Variants in LHFPL6 observed in about 807,000 individuals in gnomAD.
LHFPL6 encodes the protein LHFPL tetraspan subfamily member 6 protein.
A neutral mutation model predicts 20.6 loss-of-function variants in LHFPL6; 9 were observed. The ratio of observed to expected loss-of-function variants is 0.44; its 90% CI spans 0.26 to 0.76. The LOEUF (loss-of-function observed/expected upper bound fraction) is 0.76. LHFPL6 is among the 30% of genes least tolerant of loss of function. LHFPL6 has a pLI of 0.20. For synonymous variants in LHFPL6, 105 were observed against 98.7 expected (o/e 1.06, Z -0.38); for missense variants, 218 against 253.5 (o/e 0.86, Z 0.95).
intron 2 of LHFPL6, among the ~76,000 whole-genome samples, chr13:39,560,923 G>A (rs1871458661): frequency 6.6e-6 from 1 of 152,052 alleles, no homozygotes; most frequent in Non-Finnish European, 1.5e-5. Context: ...CTGCTGACTG[G>A]AGTCTTAGGT....
At chr13:39,416,528 CT>C (rs1304011788) in intron 2 of LHFPL6, among the ~76,000 whole-genome samples, 3 of 152,194 alleles carry the variant, frequency 2.0e-5, no homozygotes, top group African/African-American at 7.2e-5. Context: ...TTCCCTTCCC[CT>C]ACCTTGAGCT....
intron 2 of LHFPL6, among the ~76,000 whole-genome samples, chr13:39,470,882 T>C (rs1033456158): frequency 7.9e-5 from 12 of 152,218 alleles, no homozygotes; most frequent in African/African-American, 2.9e-4. Context: ...CGGCCCATCA[T>C]CACCGTGGTT....
rs75995492 is a variant in LHFPL6 at position 39,580,900 on chromosome 13, C to G, written c.385+19932G>C. 7.2e-3 allele frequency among the ~76,000 whole-genome samples: 1,091 copies of G among 152,234 alleles called. 15 individuals are homozygous for G. The highest frequency in any genetic ancestry group is 0.025 in the African/African-American group (1,022 of 41,536). ...AGATCCTCTGTTCATTTGCTTTGCA[C>G]GACAACACATGGCCATAGAGTAATG... On this transcript the variant is annotated intron_variant, in intron 2 of 3. Coordinates refer to ENST00000379589, the MANE Select transcript of LHFPL6 (RefSeq NM_005780.3).
At chr13:39,374,269 A>G (rs1250094453) in intron 3 of LHFPL6, among the ~76,000 whole-genome samples, 1 of 152,196 alleles carries the variant, frequency 6.6e-6, no homozygotes, top group Non-Finnish European at 1.5e-5. Flanking sequence ...GAGTAAATAC[A>G]AAAACAGAAA....
intron 2 of LHFPL6, among the ~76,000 whole-genome samples, chr13:39,491,398 G>A (rs1350488464): frequency 5.9e-5 from 9 of 152,194 alleles, no homozygotes; most frequent in African/African-American, 1.9e-4. Context: ...ACTAGCTGAA[G>A]CAGCAGAGAG....
chr13:39,542,782 C>T lies in LHFPL6; in HGVS notation c.385+58050G>A, dbSNP rs74797570. The stretch of plus-strand genomic sequence containing the variant: ...GAGTTCAACAAATACTTGTCGAGCC[C>T]GTTATGTGCTAAGTCGCATGGGTCA... On this transcript the variant is annotated intron_variant, in intron 2 of 3. Coordinates refer to ENST00000379589, the MANE Select transcript of LHFPL6 (RefSeq NM_005780.3). 7.2e-3 allele frequency among the ~76,000 whole-genome samples: 1,096 copies of T among 152,244 alleles called. 9 individuals carry two copies. The highest frequency in any genetic ancestry group is 0.025 in the African/African-American group (1,040 of 41,546).
chr13:39,428,841 C>CAT (rs1566109354), intron 2 of LHFPL6, among the ~76,000 whole-genome samples: 1 of 152,154 alleles, frequency 6.6e-6, no homozygotes, highest in Non-Finnish European at 1.5e-5. Context: ...GCTCTAGCAG[C>CAT]ATCTCACAAA....
intron 2 of LHFPL6, among the ~76,000 whole-genome samples, chr13:39,382,752 G>A (rs1406650207): frequency 6.6e-6 from 1 of 151,944 alleles, no homozygotes; most frequent in African/African-American, 2.4e-5. Flanking sequence ...AGAAATTTGT[G>A]GTACATGTAT....
intron 2 of LHFPL6, among the ~76,000 whole-genome samples, chr13:39,412,126 C>T (rs139484189): frequency 4.7e-4 from 72 of 152,248 alleles, no homozygotes; most frequent in African/African-American, 1.6e-3. Context: ...GTGTTTCAAC[C>T]GTTATACATT....
At chr13:39,443,265 T>A in intron 2 of LHFPL6, among the ~76,000 whole-genome samples, 1 of 152,164 alleles carries the variant, frequency 6.6e-6, no homozygotes, top group East Asian at 1.9e-4. Context: ...CTGCTTTCTG[T>A]CATGGTATGA....
intron 2 of LHFPL6, among the ~76,000 whole-genome samples, chr13:39,523,476 G>A (rs191605538): frequency 1.7e-3 from 253 of 151,810 alleles, no homozygotes; most frequent in African/African-American, 5.8e-3. Flanking sequence ...GGCTGAGGCA[G>A]GAGAATGGCG....
intron 2 of LHFPL6, among the ~76,000 whole-genome samples, chr13:39,538,760 C>T (rs61954148): frequency 0.061 from 9,287 of 151,850 alleles, 449 homozygotes; most frequent in African/African-American, 0.13. Context: ...TTAAGTATAA[C>T]GATTTCAATT....
At chr13:39,453,831 G>A (rs1426812441) in intron 2 of LHFPL6, among the ~76,000 whole-genome samples, 3 of 152,206 alleles carry the variant, frequency 2.0e-5, no homozygotes, top group Non-Finnish European at 4.4e-5. Context: ...CAACAAGCAA[G>A]TCGTGTGTGA....
At chr13:39,580,268 T>A (rs1566146836) in intron 2 of LHFPL6, among the ~76,000 whole-genome samples, 1 of 152,164 alleles carries the variant, frequency 6.6e-6, no homozygotes, top group Non-Finnish European at 1.5e-5. Flanking sequence ...AAACCCATTA[T>A]GTGGTGACAG....
intron 2 of LHFPL6, among the ~76,000 whole-genome samples, chr13:39,441,986 C>T (rs7994015): frequency 4.2e-3 from 642 of 152,032 alleles, no homozygotes; most frequent in Middle Eastern, 0.021. Context: ...TGCACCACCA[C>T]GCCTGGCTAA....
At chr13:39,372,958 G>A (rs938170238) in intron 3 of LHFPL6, among the ~76,000 whole-genome samples, 21 of 152,086 alleles carry the variant, frequency 1.4e-4, no homozygotes, top group African/African-American at 5.1e-4. Flanking sequence ...TTTTCCTCCT[G>A]CCCTCTCTGC....
chr13:39,422,603 AAG>A (rs1158316578), intron 2 of LHFPL6, among the ~76,000 whole-genome samples: 3 of 25,770 alleles, frequency 1.2e-4, no homozygotes, highest in African/African-American at 1.8e-4. Context: ...AAAAAAAAAA[AAG>A]AAGAAGAAGA....
chr13:39,591,136 C>T lies in LHFPL6; in HGVS notation c.385+9696G>A, dbSNP rs115360724. Among the ~76,000 whole-genome samples the T allele has an allele frequency of 3.4e-3, 511 of 152,206 alleles. 3 individuals carry two copies. Among genetic ancestry groups the T allele is most frequent in the African/African-American group, 0.011 (468 of 41,524 alleles). On this transcript the variant is annotated intron_variant, in intron 2 of 3. Coordinates refer to ENST00000379589, the MANE Select transcript of LHFPL6 (RefSeq NM_005780.3). Reference sequence around the variant, plus strand: ...AGACTTACTATGATTATTATTTTTACTTCAAAAATACAAAGTTAAAAAGTA... The same window carrying T: ...AGACTTACTATGATTATTATTTTTATTTCAAAAATACAAAGTTAAAAAGTA...
intron 2 of LHFPL6, among the ~76,000 whole-genome samples, chr13:39,478,698 G>A (rs1868392838): frequency 6.6e-6 from 1 of 152,048 alleles, no homozygotes; most frequent in African/African-American, 2.4e-5. Flanking sequence ...AGAGCAAAAA[G>A]GCAGAGAAAT....
Sources: gnomAD v4.1 joint callset for allele counts (sites outside exome capture counted in the v4.1 genomes callset) on GRCh38, gnomAD v4.1.1 for gene constraint, MANE v1.5 for transcripts, NCBI Gene and HGNC (gene_info 2026-07-23, HGNC 2026-07-21) for gene names.